DHTKD1: variants seen among roughly 807,000 people sequenced by gnomAD.
DHTKD1 encodes dehydrogenase E1 and transketolase domain containing 1.
A neutral mutation model predicts 101.8 loss-of-function variants in DHTKD1; 78 were observed. The ratio of observed to expected loss-of-function variants is 0.77; its 90% CI spans 0.64 to 0.93. DHTKD1 has a LOEUF of 0.93. DHTKD1 is among the 40% of genes least tolerant of loss of function. DHTKD1 has a pLI of 0.00. For synonymous variants in DHTKD1, 462 were observed against 450.3 expected, an observed-to-expected ratio of 1.03 and a Z score of -0.33; for missense variants, 1,223 against 1,161.7, an observed-to-expected ratio of 1.05 and a Z score of -0.77.
At chr10:12,120,625 C>G (rs1389834361) in intron 16 of DHTKD1, among the ~76,000 whole-genome samples, 162 bp from the exon 17 acceptor site, 1 of 152,140 alleles carries the variant, frequency 6.6e-6, no homozygotes, top group Non-Finnish European at 1.5e-5. Context: ...CATTGAGGCA[C>G]GGAGCCCTGT....
At chr10:12,118,340 G>C (rs924202387) in intron 14 of DHTKD1, among the ~76,000 whole-genome samples, 39 of 151,690 alleles carry the variant, frequency 2.6e-4, no homozygotes, top group South Asian at 2.1e-4. Context: ...TTGTTCATGA[G>C]GACTTTAAAT....
chr10:12,120,156 T>G (rs1218594188), intron 15 of DHTKD1, 26 bp from the exon 16 acceptor site: 3 of 1,572,738 alleles, frequency 1.9e-6, no homozygotes, highest in Non-Finnish European at 2.6e-6. Flanking sequence ...CTACTTGAGG[T>G]GCTGAAAGAA....
At chr10:12,114,355 GGTGCT>G (rs999788908) in intron 13 of DHTKD1, among the ~76,000 whole-genome samples, 12 of 150,790 alleles carry the variant, frequency 8.0e-5, no homozygotes, top group Non-Finnish European at 1.0e-4. Flanking sequence ...GGATTGCAGT[GGTGCT>G]GTCTCAGCTC....
At position 12,094,200 on chromosome 10, in the gene DHTKD1, C is replaced by T; in HGVS notation, c.1287C>T (p.Cys429=). The change falls in exon 7 of 17, where the codon TGC becomes TGT. Residue 429 remains cysteine, a synonymous_variant. Transcript: ENST00000263035. ...AGGATGTGATTATTGATCTGTTGTG[C>T]TACAGGCAGTGGGGCCACAATGAGC... ...FRKDVIIDLL[C]YRQWGHNELD... is the part of the protein sequence containing the mutation. 1 of 1,614,176 alleles carries T rather than the reference C, an allele frequency of 6.2e-7. No individual in the cohort carries two copies. Among genetic ancestry groups the T allele is most frequent in the Non-Finnish European group, 8.5e-7 (1 of 1,180,046 alleles).
At chr10:12,111,457 C>T (rs768765679) in intron 12 of DHTKD1, among the ~76,000 whole-genome samples, 3 of 152,180 alleles carry the variant, frequency 2.0e-5, no homozygotes, top group South Asian at 2.1e-4. Context: ...TGGGCCACCG[C>T]GCCAGGCCTT....
chr10:12,074,196 T>G (rs898473635), intron 1 of DHTKD1, among the ~76,000 whole-genome samples: 2 of 152,154 alleles, frequency 1.3e-5, no homozygotes, highest in African/African-American at 4.8e-5. Context: ...TGTTTTGTTT[T>G]GTTTTCTTTG....
intron 15 of DHTKD1, among the ~76,000 whole-genome samples, chr10:12,119,476 C>A (rs370471131): frequency 2.0e-5 from 3 of 150,020 alleles, no homozygotes; most frequent in South Asian, 2.1e-4. Flanking sequence ...ATTAGCCGGG[C>A]GTGGTGGCGG....
At chr10:12,095,541 C>CG (rs1259001666) in intron 7 of DHTKD1, among the ~76,000 whole-genome samples, 1 of 149,848 alleles carries the variant, frequency 6.7e-6, no homozygotes, top group Non-Finnish European at 1.5e-5. Context: ...TGGCCAGGCG[C>CG]GGTGGCTCAC....
intron 10 of DHTKD1, among the ~76,000 whole-genome samples, chr10:12,104,881 CT>C (rs142280262): frequency 6.4e-4 from 94 of 146,220 alleles, no homozygotes; most frequent in Middle Eastern, 3.6e-3. Context: ...ATTTTTTTTT[CT>C]TTTTTTTTTT....
chr10:12,086,248 A>G (rs1445954706), intron 3 of DHTKD1, among the ~76,000 whole-genome samples: 6 of 100,464 alleles, frequency 6.0e-5, no homozygotes, highest in Non-Finnish European at 9.5e-5. Flanking sequence ...TTTGAGATGG[A>G]TTCTCCCTGT....
chr10:12,069,281 G>A, intron 1 of DHTKD1, 94 bp downstream of exon 1: 2 of 1,204,208 alleles, frequency 1.7e-6, no homozygotes, highest in Non-Finnish European at 1.1e-6. Flanking sequence ...CGGGGAACCG[G>A]CTGCCGGCCT....
In DHTKD1 at chr10:12,084,593, C is replaced by A; in HGVS notation, c.364C>A (p.Leu122Ile). ...CTCACTTGAGGAAGTGTTAGTCTATCTCAATCAAATCTACTGTGGGCAGAT... is the reference window on the plus strand; with the variant it reads ...CTCACTTGAGGAAGTGTTAGTCTATATCAATCAAATCTACTGTGGGCAGAT... ...EASLEEVLVY[L>I]NQIYCGQISI... The change falls in exon 3 of 17, where the codon CTC becomes ATC. Residue 122 changes from leucine (L) to isoleucine (I), a missense_variant. By Grantham distance (5) the Leu-to-Ile change is conservative (BLOSUM62 2). Coordinates refer to ENST00000263035, the MANE Select transcript of DHTKD1 (RefSeq NM_018706.7). 1 of 1,613,756 alleles carries A rather than the reference C, an allele frequency of 6.2e-7. No homozygotes were observed. The highest frequency in any genetic ancestry group is 8.5e-7 in the Non-Finnish European group (1 of 1,179,650).
At chr10:12,116,750 G>A (rs1833424262) in intron 13 of DHTKD1, among the ~76,000 whole-genome samples, 1 of 151,116 alleles carries the variant, frequency 6.6e-6, no homozygotes, top group African/African-American at 2.4e-5. Flanking sequence ...AGGCTGGAGT[G>A]CAGTGGCATG....
At position 12,084,524 on chromosome 10, in the gene DHTKD1, T is replaced by A; in HGVS notation, c.311-16T>A. Reference sequence around the variant, plus strand: ...TGATTATTTTTTAAGATGACCCCTTTGATTGTATTTCACAGGATTATTGAA... The same window carrying A: ...TGATTATTTTTTAAGATGACCCCTTAGATTGTATTTCACAGGATTATTGAA... On this transcript the variant is annotated splice_polypyrimidine_tract_variant and intron_variant, in intron 2 of 16. Transcript: ENST00000263035. The A allele has an allele frequency of 1.3e-6, 2 of 1,508,134 alleles. No individual in the cohort carries two copies. The highest frequency in any genetic ancestry group is 1.8e-6 in the Non-Finnish European group (2 of 1,083,918). The allele number at this position is 1,508,134 out of a possible 1,614,324, so 93.4% of individuals were successfully genotyped here.
intron 13 of DHTKD1, 44 bp downstream of exon 13, chr10:12,113,108 T>G (rs1237655921): frequency 6.7e-7 from 1 of 1,497,222 alleles, no homozygotes; most frequent in East Asian, 2.4e-5. Flanking sequence ...TTTGTCATTT[T>G]TTGCACTCCA....
intron 1 of DHTKD1, among the ~76,000 whole-genome samples, chr10:12,070,410 A>G (rs947937468): frequency 1.3e-5 from 2 of 152,322 alleles, no homozygotes; most frequent in South Asian, 4.1e-4. Flanking sequence ...GGAATGTTCC[A>G]TCAATCACAC....
chr10:12,069,883 G>T (rs574642063), intron 1 of DHTKD1, among the ~76,000 whole-genome samples: 23 of 151,818 alleles, frequency 1.5e-4, no homozygotes, highest in African/African-American at 5.3e-4. Context: ...GAGAAGTAAA[G>T]TTTTAAGGTC....
intron 6 of DHTKD1, among the ~76,000 whole-genome samples, chr10:12,093,661 C>T (rs192391054): frequency 5.9e-5 from 9 of 152,254 alleles, no homozygotes; most frequent in African/African-American, 1.9e-4. Context: ...TTCTTTGGAG[C>T]AAATTTATCT....
chr10:12,101,889 AC>A (rs1354193980), intron 10 of DHTKD1, among the ~76,000 whole-genome samples: 2 of 152,224 alleles, frequency 1.3e-5, no homozygotes, highest in African/African-American at 2.4e-5. Flanking sequence ...GGTGTGAGCC[AC>A]TGCACCCAGC....
Sources: allele counts gnomAD v4.1 joint callset (sites outside exome capture counted in the v4.1 genomes callset), GRCh38; gene constraint gnomAD v4.1.1; transcripts MANE v1.5; gene names NCBI Gene and HGNC (gene_info 2026-07-23, HGNC 2026-07-21).